MEIS2: variants seen among roughly 807,000 people sequenced by gnomAD.
MEIS2 encodes the protein homeobox protein Meis2.
Under a neutral mutation model 58.6 loss-of-function variants are expected in MEIS2, and 9 were observed. The ratio of observed to expected loss-of-function variants is 0.15; its 90% CI spans 0.09 to 0.27. The LOEUF (loss-of-function observed/expected upper bound fraction) is 0.27, where lower values mean the gene tolerates loss of function less well. Among genes scored for constraint, MEIS2 ranks in the 10% least tolerant of loss-of-function variants. MEIS2 has a pLI of 1.00. For missense variants in MEIS2, 427 were observed against 635.0 expected (o/e 0.67, Z 3.52); for synonymous variants, 221 against 228.4 (o/e 0.97, Z 0.29).
chr15:36,899,166 C>T lies in MEIS2; in HGVS notation c.978-2480G>A, dbSNP rs141977690. Among the ~76,000 whole-genome samples the T allele has an allele frequency of 8.5e-5, 13 of 152,300 alleles. No individual in the cohort carries two copies. The East Asian group carries it at 2.3e-3, about 27-fold the overall frequency. Reference sequence around the variant, plus strand: ...ATTTCTTGACAGATTCATAATTCTACCACATTCTTTCAAATCACACAGAAT... The same window carrying T: ...ATTTCTTGACAGATTCATAATTCTATCACATTCTTTCAAATCACACAGAAT... On this transcript the variant is annotated intron_variant, in intron 9 of 11. Coordinates refer to ENST00000561208, the MANE Select transcript of MEIS2 (RefSeq NM_170675.5).
At chr15:36,935,294 G>A (rs2058125818) in intron 9 of MEIS2, among the ~76,000 whole-genome samples, 1 of 150,666 alleles carries the variant, frequency 6.6e-6, no homozygotes, top group East Asian at 1.9e-4. Flanking sequence ...TCTGCATACA[G>A]CAATTTTTAA....
intron 6 of MEIS2, among the ~76,000 whole-genome samples, chr15:37,087,783 T>G (rs1384543646): frequency 6.6e-6 from 1 of 152,130 alleles, no homozygotes; most frequent in Non-Finnish European, 1.5e-5. Flanking sequence ...GACCTACCTA[T>G]AAGAGAATAC....
At chr15:37,007,300 G>GGGA (rs2060957402) in intron 8 of MEIS2, among the ~76,000 whole-genome samples, 1 of 152,078 alleles carries the variant, frequency 6.6e-6, no homozygotes, top group Admixed American at 6.5e-5. Flanking sequence ...AGGCGGAGGT[G>GGGA]GGAGGATCAA....
chr15:37,092,179 T>C (rs1052854236), intron 6 of MEIS2, among the ~76,000 whole-genome samples: 7 of 152,246 alleles, frequency 4.6e-5, no homozygotes, highest in Non-Finnish European at 1.0e-4. Flanking sequence ...CACCGCAGTA[T>C]TTATTCTGTC....
intron 8 of MEIS2, among the ~76,000 whole-genome samples, chr15:36,997,587 C>T (rs1304274644): frequency 6.6e-6 from 1 of 151,572 alleles, no homozygotes; most frequent in Non-Finnish European, 1.5e-5. Context: ...TCTGGGTTCA[C>T]GCCATTCTCC....
Position 37,037,240 on chromosome 15 carries a change from C to T in MEIS2, c.755-281G>A, listed in dbSNP as rs1161166251. Among the ~76,000 whole-genome samples, 1 of 152,102 alleles carries T rather than the reference C, an allele frequency of 6.6e-6. No homozygotes were observed. The highest frequency in any genetic ancestry group is 2.4e-5 in the African/African-American group (1 of 41,404). ...GTAGCTCTTTGTCAATTATGGAATC[C>T]AATGTGGGAAAACCGCCATCAGAAA... is the stretch of plus-strand genomic sequence containing the variant. On this transcript the variant is annotated intron_variant, in intron 7 of 11. Coordinates refer to ENST00000561208, the MANE Select transcript of MEIS2 (RefSeq NM_170675.5).
At chr15:37,032,665 C>T (rs147131670) in intron 8 of MEIS2, among the ~76,000 whole-genome samples, 119 of 152,140 alleles carry the variant, frequency 7.8e-4, no homozygotes, top group Admixed American at 2.3e-3. Context: ...CATCAACCAA[C>T]GGAAGAGGGT....
chr15:37,028,560 G>T (rs755983125), intron 8 of MEIS2, among the ~76,000 whole-genome samples: 1 of 152,100 alleles, frequency 6.6e-6, no homozygotes, highest in Non-Finnish European at 1.5e-5. Flanking sequence ...TTTAATTTGA[G>T]AAATTGTAAA....
chr15:36,979,397 C>G (rs1036680462), intron 8 of MEIS2, among the ~76,000 whole-genome samples: 2 of 152,090 alleles, frequency 1.3e-5, no homozygotes, highest in African/African-American at 2.4e-5. Context: ...TCCATGTAAA[C>G]ACTCTTCAGC....
chr15:36,958,489 A>G, intron 8 of MEIS2, among the ~76,000 whole-genome samples: 1 of 152,198 alleles, frequency 6.6e-6, no homozygotes, highest in East Asian at 1.9e-4. Flanking sequence ...GAATCAAGTG[A>G]GTTTATATGA....
intron 8 of MEIS2, among the ~76,000 whole-genome samples, chr15:36,995,828 C>T (rs900552653): frequency 2.8e-5 from 4 of 144,338 alleles, no homozygotes; most frequent in Non-Finnish European, 4.5e-5. Flanking sequence ...GGAACTATTG[C>T]GGTAAGTGAG....
rs7174705 is a variant in MEIS2, at chr15:36,908,424, T to C, written c.978-11738A>G. Reference sequence around the variant, plus strand: ...GTTAGTGGATTTTCCCCCCGATTTGTGAGAAATAGAGACATCAACCTTTGA... The same window carrying C: ...GTTAGTGGATTTTCCCCCCGATTTGCGAGAAATAGAGACATCAACCTTTGA... On this transcript the variant is annotated intron_variant, in intron 9 of 11. Coordinates refer to ENST00000561208, the MANE Select transcript of MEIS2 (RefSeq NM_170675.5). 6.0e-3 allele frequency among the ~76,000 whole-genome samples: 921 copies of C among 152,244 alleles called. 10 individuals are homozygous for C. The highest frequency in any genetic ancestry group is 0.022 in the African/African-American group (895 of 41,538).
At chr15:36,906,058 G>A (rs2056717787) in intron 9 of MEIS2, among the ~76,000 whole-genome samples, 8 of 152,180 alleles carry the variant, frequency 5.3e-5, no homozygotes, top group Admixed American at 5.2e-4. Flanking sequence ...ACAAGGAAAT[G>A]GCATGCTGTA....
chr15:37,022,045 T>G (rs111733419), intron 8 of MEIS2, among the ~76,000 whole-genome samples: 3,066 of 152,242 alleles, frequency 0.02, 105 homozygotes, highest in African/African-American at 0.07. Context: ...TTCAATTTTT[T>G]ATTATAATAA....
intron 9 of MEIS2, chr15:36,900,905 T>G (rs1040618924): frequency 6.6e-6 from 1 of 152,244 alleles, no homozygotes; most frequent in African/African-American, 2.4e-5. Context: ...GATAAATCCC[T>G]TCTTTCTGGT....
At chr15:37,028,622 A>C (rs1032268497) in intron 8 of MEIS2, among the ~76,000 whole-genome samples, 3 of 152,234 alleles carry the variant, frequency 2.0e-5, no homozygotes, top group Non-Finnish European at 4.4e-5. Context: ...TTCTTTACTG[A>C]AGAAGGGAGT....
chr15:37,013,895 T>C (rs2061254250), intron 8 of MEIS2, among the ~76,000 whole-genome samples: 2 of 152,188 alleles, frequency 1.3e-5, no homozygotes, highest in Admixed American at 1.3e-4. Context: ...CCTTACAGTA[T>C]ACTTGTGACA....
intron 8 of MEIS2, among the ~76,000 whole-genome samples, chr15:36,987,005 T>C (rs980272099): frequency 2.6e-5 from 4 of 152,036 alleles, no homozygotes; most frequent in Admixed American, 6.6e-5. Flanking sequence ...TTGATGATGG[T>C]AAAGTGTGTA....
chr15:37,089,176 C>T (rs985689423), intron 6 of MEIS2, among the ~76,000 whole-genome samples: 3 of 152,184 alleles, frequency 2.0e-5, no homozygotes, highest in African/African-American at 7.2e-5. Context: ...TCGGAATAGG[C>T]CCCAGAGGCT....
Sources: gnomAD v4.1 joint callset for allele counts (sites outside exome capture counted in the v4.1 genomes callset) on GRCh38, gnomAD v4.1.1 for gene constraint, MANE v1.5 for transcripts, NCBI Gene and HGNC (gene_info 2026-07-23, HGNC 2026-07-21) for gene names.